Variants in SAMD12 observed in about 807,000 individuals in gnomAD.
The protein encoded by SAMD12 is sterile alpha motif domain containing 12.
SAMD12 carries 9 observed loss-of-function variants against 15.0 expected under a neutral mutation model. The observed-to-expected ratio is 0.60, with a 90% confidence interval of 0.36 to 1.05. The LOEUF is 1.05. Ranked by LOEUF, SAMD12 falls within the 50% of genes least tolerant of loss-of-function variation. The pLI is 0.01. For missense variants in SAMD12, 230 were observed against 234.2 expected (o/e 0.98, Z 0.12); for synonymous variants, 86 against 90.1 (o/e 0.96, Z 0.25).
intron 4 of SAMD12, among the ~76,000 whole-genome samples, chr8:118,340,956 A>G (rs1444551412): frequency 2.6e-5 from 4 of 152,182 alleles, no homozygotes; most frequent in Non-Finnish European, 5.9e-5. Flanking sequence ...TGTCTATTCT[A>G]AATTTGTGGC....
chr8:118,331,226 A>G (rs1416377093), intron 4 of SAMD12, among the ~76,000 whole-genome samples: 1 of 152,164 alleles, frequency 6.6e-6, no homozygotes, highest in Non-Finnish European at 1.5e-5. Flanking sequence ...TGGACTAAGA[A>G]CATGGACTTA....
chr8:118,294,503 T>C (rs1814603620), intron 4 of SAMD12, among the ~76,000 whole-genome samples: 1 of 152,216 alleles, frequency 6.6e-6, no homozygotes, highest in South Asian at 2.1e-4. Flanking sequence ...AATAGTTTTA[T>C]GTCAGGGGGT....
At chr8:118,244,193 T>G (rs1812636399) in intron 4 of SAMD12, among the ~76,000 whole-genome samples, 1 of 152,168 alleles carries the variant, frequency 6.6e-6, no homozygotes, top group Non-Finnish European at 1.5e-5. Context: ...AAGGTGCTAA[T>G]TCATTTAACT....
chr8:118,372,986 A>C (rs1465794360), downstream of SAMD12, among the ~76,000 whole-genome samples: 1 of 152,130 alleles, frequency 6.6e-6, no homozygotes, highest in Non-Finnish European at 1.5e-5. Flanking sequence ...ATAGGTTGCC[A>C]GGGGCTGGTA....
chr8:118,617,885 T>C (rs1586861224), intron 1 of SAMD12, among the ~76,000 whole-genome samples: 1 of 152,288 alleles, frequency 6.6e-6, no homozygotes, highest in East Asian at 1.9e-4. Flanking sequence ...TTGCAACCCA[T>C]TTCTGTTAGA....
chr8:118,551,509 T>C (rs192711176), intron 2 of SAMD12, among the ~76,000 whole-genome samples: 59 of 152,028 alleles, frequency 3.9e-4, no homozygotes, highest in Middle Eastern at 3.4e-3. Context: ...CCAGAATCTC[T>C]GGGACACATT....
intron 4 of SAMD12, among the ~76,000 whole-genome samples, chr8:118,287,245 C>T (rs1343066906): frequency 6.6e-6 from 1 of 151,896 alleles, no homozygotes; most frequent in Non-Finnish European, 1.5e-5. Flanking sequence ...CTGCCTCAGC[C>T]TTCCGAGTAG....
At chr8:118,408,010 C>T (rs1821217294) in intron 3 of SAMD12, among the ~76,000 whole-genome samples, 1 of 152,158 alleles carries the variant, frequency 6.6e-6, no homozygotes, top group African/African-American at 2.4e-5. Flanking sequence ...TTATCACAAC[C>T]TCCTATGTGA....
At chr8:118,433,423 T>TTTG (rs1335725798) in intron 3 of SAMD12, among the ~76,000 whole-genome samples, 2 of 152,020 alleles carry the variant, frequency 1.3e-5, no homozygotes, top group Non-Finnish European at 2.9e-5. Flanking sequence ...TTTTTTTTTT[T>TTTG]TCTTAAATTG....
intron 3 of SAMD12, among the ~76,000 whole-genome samples, chr8:118,398,988 G>T (rs117535805): frequency 6.6e-6 from 1 of 152,088 alleles, no homozygotes; most frequent in African/African-American, 2.4e-5. Context: ...GTCTCAAGTG[G>T]TTCTCCCACC....
the SAMD12 span, among the ~76,000 whole-genome samples, chr8:118,146,220 A>C: frequency 1.3e-5 from 2 of 152,226 alleles, no homozygotes; most frequent in Non-Finnish European, 2.9e-5. Context: ...AGAGTGTTCA[A>C]GGCAGGAGAA....
the SAMD12 span, among the ~76,000 whole-genome samples, chr8:118,132,490 T>C: frequency 6.6e-6 from 1 of 152,078 alleles, no homozygotes. Context: ...TCCAGAGCAT[T>C]CCGAGCATTG....
intron 2 of SAMD12, among the ~76,000 whole-genome samples, chr8:118,514,951 C>T (rs1563903928): frequency 6.6e-6 from 1 of 152,136 alleles, no homozygotes; most frequent in Non-Finnish European, 1.5e-5. Flanking sequence ...CAAACTTCCC[C>T]TTTGCTGTTC....
intron 4 of SAMD12, among the ~76,000 whole-genome samples, chr8:118,226,159 A>G (rs1812184582): frequency 1.3e-5 from 2 of 152,186 alleles, no homozygotes; most frequent in African/African-American, 4.8e-5. Flanking sequence ...TACACGAGGT[A>G]CCAATGTTGT....
At chr8:118,540,819 C>T (rs937151544) in intron 2 of SAMD12, among the ~76,000 whole-genome samples, 1 of 152,142 alleles carries the variant, frequency 6.6e-6, no homozygotes, top group African/African-American at 2.4e-5. Context: ...GGTAAGTACA[C>T]TGCTGTGAAA....
chr8:118,330,293 C>T (rs12545664), intron 4 of SAMD12, among the ~76,000 whole-genome samples: 10,362 of 152,226 alleles, frequency 0.068, 679 homozygotes, highest in African/African-American at 0.14. Context: ...AACGTGAAGG[C>T]AAAGTTCTAT....
At chr8:118,396,073 C>T (rs143549811) in intron 3 of SAMD12, among the ~76,000 whole-genome samples, 1 of 152,096 alleles carries the variant, frequency 6.6e-6, no homozygotes, top group Non-Finnish European at 1.5e-5. Flanking sequence ...CATTCTTCTT[C>T]CAGCAATAAG....
At chr8:118,343,485 A>G (rs1014048952) in intron 4 of SAMD12, among the ~76,000 whole-genome samples, 5 of 152,232 alleles carry the variant, frequency 3.3e-5, no homozygotes, top group East Asian at 1.9e-4. Context: ...CATGGTGATG[A>G]AGATCTTTGT....
At chr8:118,489,069 CTCTT>C (rs1327913917) in intron 2 of SAMD12, among the ~76,000 whole-genome samples, 2 of 152,064 alleles carry the variant, frequency 1.3e-5, no homozygotes, top group African/African-American at 2.4e-5. Context: ...GTTGTGGTAT[CTCTT>C]TCTGTTTTTA....
Sources: gnomAD v4.1 joint callset for allele counts (sites outside exome capture counted in the v4.1 genomes callset) on GRCh38, gnomAD v4.1.1 for gene constraint, MANE v1.5 for transcripts, NCBI Gene and HGNC (gene_info 2026-07-23, HGNC 2026-07-21) for gene names.